Variants in CPNE8 observed in about 807,000 individuals in gnomAD.
The protein encoded by CPNE8 is copine 8, also known as copine-8.
CPNE8 carries 45 observed loss-of-function variants against 81.5 expected under a neutral mutation model. That is an observed-to-expected ratio of 0.55 (90% CI 0.44 to 0.71). The LOEUF (loss-of-function observed/expected upper bound fraction) is 0.71. Ranked by LOEUF, CPNE8 falls within the 30% of genes least tolerant of loss-of-function variation. CPNE8 has a pLI of 0.00. For synonymous variants in CPNE8, 252 were observed against 226.3 expected (o/e 1.11, Z -1.02); for missense variants, 594 against 672.1 (o/e 0.88, Z 1.28).
chr12:38,789,951 C>T (rs573733793), intron 6 of CPNE8, among the ~76,000 whole-genome samples: 25 of 151,704 alleles, frequency 1.6e-4, no homozygotes, highest in African/African-American at 4.1e-4. Context: ...AACACAAATG[C>T]TAGCAAGAAT....
intron 18 of CPNE8, among the ~76,000 whole-genome samples, chr12:38,672,256 T>G (rs915730668): frequency 2.6e-5 from 4 of 152,186 alleles, no homozygotes; most frequent in African/African-American, 9.6e-5. Flanking sequence ...CATTGGTCTT[T>G]GTGTTTCATT....
intron 4 of CPNE8, among the ~76,000 whole-genome samples, chr12:38,844,433 T>C (rs1236740363): frequency 1.3e-5 from 2 of 152,144 alleles, no homozygotes; most frequent in African/African-American, 4.8e-5. Flanking sequence ...ATAATTATAA[T>C]GAAAATAAAT....
chr12:38,661,976 G>A (rs776866082), intron 19 of CPNE8, among the ~76,000 whole-genome samples: 11 of 151,028 alleles, frequency 7.3e-5, no homozygotes, highest in Non-Finnish European at 1.0e-4. Context: ...GATAAAAATT[G>A]TCTGTAAATT....
Position 38,789,196 on chromosome 12 carries a change from G to C in CPNE8, c.408-12895C>G, listed in dbSNP as rs117797257. On this transcript the variant is annotated intron_variant, in intron 6 of 19. Transcript: ENST00000331366. Reference sequence around the variant, plus strand: ...TGGAGAAATTACATTACCTGACTTTGAATTATACTACAGACCTATAGTAAC... The same window carrying C: ...TGGAGAAATTACATTACCTGACTTTCAATTATACTACAGACCTATAGTAAC... Among the ~76,000 whole-genome samples the C allele has an allele frequency of 2.8e-3, 428 of 151,732 alleles. 1 individual carries two copies. Among genetic ancestry groups the C allele is most frequent in the Non-Finnish European group, 4.7e-3 (318 of 67,654 alleles).
chr12:38,895,940 T>C (rs986056914), intron 1 of CPNE8, among the ~76,000 whole-genome samples: 2 of 152,104 alleles, frequency 1.3e-5, no homozygotes, highest in African/African-American at 2.4e-5. Flanking sequence ...CCAAATTACT[T>C]ATACTCTCTC....
intron 4 of CPNE8, among the ~76,000 whole-genome samples, chr12:38,842,789 G>T (rs908340026): frequency 6.6e-6 from 1 of 151,868 alleles, no homozygotes; most frequent in African/African-American, 2.4e-5. Flanking sequence ...TGTTGGCCAG[G>T]CTGGTCTCGA....
chr12:38,767,783 T>C (rs200441146), intron 7 of CPNE8, 45 bp from the exon 8 acceptor site: 3 of 1,226,546 alleles, frequency 2.4e-6, no homozygotes, highest in East Asian at 5.5e-5. Context: ...GGGCTATAAA[T>C]AACTAGAAAC....
intron 16 of CPNE8, 68 bp from the exon 17 acceptor site, chr12:38,677,622 T>G: frequency 1.2e-6 from 1 of 843,298 alleles, no homozygotes; most frequent in East Asian, 2.5e-5. Context: ...TAAATACAAT[T>G]TGGAATAGTT....
At chr12:38,688,254 C>T (rs1388556718) in intron 15 of CPNE8, among the ~76,000 whole-genome samples, 1 of 152,118 alleles carries the variant, frequency 6.6e-6, no homozygotes, top group Non-Finnish European at 1.5e-5. Flanking sequence ...GAAAGGTAAT[C>T]ATTAGATGTT....
chr12:38,858,885 C>G (rs760871863), intron 3 of CPNE8, among the ~76,000 whole-genome samples: 9 of 152,086 alleles, frequency 5.9e-5, no homozygotes, highest in Non-Finnish European at 1.2e-4. Flanking sequence ...TCAATAGACA[C>G]AGAAAAAGCA....
intron 6 of CPNE8, among the ~76,000 whole-genome samples, chr12:38,793,608 G>A (rs1428352052): frequency 6.6e-6 from 1 of 151,876 alleles, no homozygotes; most frequent in Non-Finnish European, 1.5e-5. Flanking sequence ...TTCATAGATT[G>A]GAAGCTTTAA....
chr12:38,722,743 G>A (rs1041110185), intron 13 of CPNE8, among the ~76,000 whole-genome samples: 1 of 152,094 alleles, frequency 6.6e-6, no homozygotes, highest in African/African-American at 2.4e-5. Context: ...TTAAATCTCT[G>A]GGGATGATAT....
intron 3 of CPNE8, among the ~76,000 whole-genome samples, chr12:38,848,966 T>G (rs908370841): frequency 4.6e-5 from 7 of 152,180 alleles, no homozygotes; most frequent in African/African-American, 7.2e-5. Flanking sequence ...ACCTAAAATT[T>G]AAATGTATTA....
chr12:38,830,707 T>C (rs1460746210), intron 5 of CPNE8, among the ~76,000 whole-genome samples: 3 of 152,198 alleles, frequency 2.0e-5, no homozygotes, highest in African/African-American at 4.8e-5. Flanking sequence ...CTATTTAGTT[T>C]AGTAGTTTTA....
chr12:38,802,592 A>G (rs1428738340), intron 6 of CPNE8, among the ~76,000 whole-genome samples: 3 of 145,324 alleles, frequency 2.1e-5, no homozygotes, highest in Non-Finnish European at 3.0e-5. Flanking sequence ...CATCACAATT[A>G]AAAGAACTAT....
intron 13 of CPNE8, among the ~76,000 whole-genome samples, chr12:38,715,091 G>A (rs1940353124): frequency 6.6e-6 from 1 of 151,898 alleles, no homozygotes; most frequent in South Asian, 2.1e-4. Flanking sequence ...TTTGTGAGAA[G>A]AAACAAGAAG....
intron 19 of CPNE8, among the ~76,000 whole-genome samples, chr12:38,656,810 C>T (rs1235917683): frequency 1.3e-5 from 2 of 152,118 alleles, no homozygotes; most frequent in East Asian, 1.9e-4. Context: ...AAGGATCCTC[C>T]GTAAGAGCCA....
intron 8 of CPNE8, among the ~76,000 whole-genome samples, chr12:38,763,442 C>A (rs1035959589): frequency 2.0e-5 from 3 of 152,154 alleles, no homozygotes; most frequent in African/African-American, 7.2e-5. Flanking sequence ...TCCTCGGGAG[C>A]CCCAAGGGCC....
At chr12:38,833,434 GA>G (rs541639861) in intron 5 of CPNE8, among the ~76,000 whole-genome samples, 61 of 147,202 alleles carry the variant, frequency 4.1e-4, no homozygotes, top group African/African-American at 1.1e-3. Flanking sequence ...ATAAGACACT[GA>G]AAGAAAATTT....
Sources: gnomAD v4.1 joint callset for allele counts (sites outside exome capture counted in the v4.1 genomes callset) on GRCh38, gnomAD v4.1.1 for gene constraint, MANE v1.5 for transcripts, NCBI Gene and HGNC (gene_info 2026-07-23, HGNC 2026-07-21) for gene names.